MBD1: variants seen among roughly 807,000 people sequenced by gnomAD.
MBD1 encodes methyl-CpG binding domain protein 1.
A neutral mutation model predicts 82.6 loss-of-function variants in MBD1; 25 were observed. The ratio of observed to expected loss-of-function variants is 0.30; its 90% CI spans 0.22 to 0.42. The LOEUF is 0.42. Ranked by LOEUF, MBD1 falls within the 10% of genes least tolerant of loss-of-function variation. The pLI is 1.00. For missense variants in MBD1, 627 were observed against 819.6 expected, an observed-to-expected ratio of 0.76 and a Z score of 2.87; for synonymous variants, 301 against 303.7, an observed-to-expected ratio of 0.99 and a Z score of 0.09.
In MBD1 at chr18:50,277,220, G is replaced by T. The variant is rs1308787542; in HGVS notation, c.111-16C>A. Reference sequence around the variant, plus strand: ...TCCTGTGGGGCTAGGGATGGGCCATGATGGGTTAGCACCCAGGTGGAGCCA... The same window carrying T: ...TCCTGTGGGGCTAGGGATGGGCCATTATGGGTTAGCACCCAGGTGGAGCCA... On this transcript the variant is annotated splice_polypyrimidine_tract_variant and intron_variant, in intron 2 of 16. Transcript: ENST00000269468. The T allele has an allele frequency of 1.3e-6, 2 of 1,591,296 alleles. No individual in the cohort carries two copies. Among genetic ancestry groups the T allele is most frequent in the Non-Finnish European group, 1.7e-6 (2 of 1,160,020 alleles).
chr18:50,276,232 C>T, intron 6 of MBD1, 146 bp downstream of exon 6: 1 of 894,816 alleles, frequency 1.1e-6, no homozygotes, highest in Non-Finnish European at 1.8e-6. Context: ...CATTAATTCC[C>T]ATTATTGTGT....
Position 50,281,497 on chromosome 18 carries a change from T to TCG in MBD1, c.-162_-161dup, listed in dbSNP as rs1363530081. 6 of 581,780 alleles carry TCG rather than the reference T, an allele frequency of 1.0e-5. No homozygotes were observed. In the Admixed American group the frequency reaches 1.9e-4, roughly 18 times the overall value. The allele number at this position is 581,780 out of a possible 1,614,324, so 36.0% of individuals were successfully genotyped here. The stretch of plus-strand genomic sequence containing the variant: ...GCCGCCTCCTCTGAAGCGGTAGCTG[T>TCG]CGCCTCCGCGGCTGTTCGTTGCTCC... On this transcript the variant is annotated 5_prime_UTR_variant, in exon 1 of 17. Coordinates refer to ENST00000269468, the MANE Select transcript of MBD1 (RefSeq NM_015846.4).
In MBD1 at chr18:50,275,770, G is replaced by T. The variant is rs113871614; in HGVS notation, c.664-42C>A. 8.0e-4 allele frequency: 1,293 copies of T among 1,614,120 alleles called. 8 individuals are homozygous for T. In the African/African-American group the frequency reaches 0.014, roughly 18 times the overall value. ...GGTGGGAGCAGAGGCATGAAGCATG[G>T]GGCCAAGCCCATGGGGGCCAGGGGC... On this transcript the variant is annotated intron_variant, in intron 7 of 16. Coordinates refer to ENST00000269468, the MANE Select transcript of MBD1 (RefSeq NM_015846.4).
chr18:50,280,028 G>A lies in MBD1; in HGVS notation c.-25-11C>T. The A allele has an allele frequency of 6.3e-7, 1 of 1,596,636 alleles. No homozygotes were observed. The highest frequency in any genetic ancestry group is 8.5e-7 in the Non-Finnish European group (1 of 1,177,238). On this transcript the variant is annotated splice_polypyrimidine_tract_variant and intron_variant, in intron 1 of 16. Coordinates refer to ENST00000269468, the MANE Select transcript of MBD1 (RefSeq NM_015846.4). ...GGAAGCAGCAGTAGCCTGAAAGGGG[G>A]TGGAAGGGATGAGGGAAACTGAGGC... is the stretch of plus-strand genomic sequence containing the variant.
intron 1 of MBD1, among the ~76,000 whole-genome samples, 190 bp from the exon 2 acceptor site, chr18:50,280,207 G>A (rs1342824235): frequency 6.6e-6 from 1 of 152,034 alleles, no homozygotes; most frequent in Non-Finnish European, 1.5e-5. Context: ...TCTGGGCCTA[G>A]GATATCATCA....
rs745732242 is a variant in MBD1, at chr18:50,276,425, G to A, written c.476-7C>T. ...TTGAAGGCAATTCTCTGTGCTGTGG[G>A]GAGGAAGAGGGAAGAAGAAAAGTGG... On this transcript the variant is annotated splice_polypyrimidine_tract_variant and splice_region_variant and intron_variant, in intron 5 of 16. Coordinates refer to ENST00000269468, the MANE Select transcript of MBD1 (RefSeq NM_015846.4). The A allele has an allele frequency of 5.0e-6, 8 of 1,614,002 alleles. No individual in the cohort carries two copies. The highest frequency in any genetic ancestry group is 1.1e-5 in the South Asian group (1 of 91,072).
intron 13 of MBD1, 48 bp from the exon 14 acceptor site, chr18:50,273,003 T>A (rs376536624): frequency 6.2e-7 from 1 of 1,612,296 alleles, no homozygotes; most frequent in East Asian, 2.2e-5. Flanking sequence ...AGAGTTCACC[T>A]GAGGAAAGTC....
At chr18:50,274,906 C>G in intron 10 of MBD1, 71 bp downstream of exon 10, 1 of 1,502,538 alleles carries the variant, frequency 6.7e-7, no homozygotes, top group Non-Finnish European at 9.2e-7. Context: ...CTCATTCCAG[C>G]ATCTGCTTCT....
chr18:50,277,714 G>A (rs2038572119), intron 2 of MBD1, among the ~76,000 whole-genome samples: 1 of 152,218 alleles, frequency 6.6e-6, no homozygotes, highest in East Asian at 1.9e-4. Context: ...GACAACGATT[G>A]TCCTTTTTGA....
rs1173490144 is a variant in MBD1, at chr18:50,272,580, C to T, written c.1778+97G>A. 4.3e-6 allele frequency: 6 copies of T among 1,384,746 alleles called. No homozygotes were observed. In the African/African-American group the frequency reaches 7.1e-5, roughly 16 times the overall value. 85.8% of individuals were successfully genotyped at this position (1,384,746 alleles called of 1,614,324 possible). A position where few individuals can be genotyped will look rare whatever the true frequency, so the allele number is the denominator to read the frequency against. ...AGTGGGTATGGGCCTTTACCTCCCA[C>T]CACACCATGCCAAACTGCCGGCTAT... is the stretch of plus-strand genomic sequence containing the variant. On this transcript the variant is annotated intron_variant, in intron 15 of 16. Coordinates refer to ENST00000269468, the MANE Select transcript of MBD1 (RefSeq NM_015846.4).
At position 50,271,541 on chromosome 18, in the gene MBD1, C is replaced by G; in HGVS notation, c.1779-1G>C. On this transcript the variant is annotated splice_acceptor_variant, in intron 15 of 16. Coordinates refer to ENST00000269468, the MANE Select transcript of MBD1 (RefSeq NM_015846.4). LOFTEE classifies it high-confidence loss of function. The stretch of plus-strand genomic sequence containing the variant: ...TCCAGGTTTTTTAAGGTCTTTGGAC[C>G]TAGGGAAAAGGGAGCAGGTCTGTAT... 1 of 1,614,158 alleles carries G rather than the reference C, an allele frequency of 6.2e-7. No homozygotes were observed. The highest frequency in any genetic ancestry group is 8.5e-7 in the Non-Finnish European group (1 of 1,180,032).
chr18:50,276,140 G>A, intron 6 of MBD1, 159 bp from the exon 7 acceptor site: 2 of 963,716 alleles, frequency 2.1e-6, no homozygotes, highest in East Asian at 2.6e-5. Flanking sequence ...CATCACTGAG[G>A]CCATTAGTAT....
In MBD1 at chr18:50,275,931, C is replaced by T; in HGVS notation, c.567G>A (p.Gly189=). Reference sequence around the variant, plus strand: ...GCTGCAGGAGGCAGGTGGAGCAGGCCCCACAGTCTTCTGTTACCTGGCAGG... The same window carrying T: ...GCTGCAGGAGGCAGGTGGAGCAGGCTCCACAGTCTTCTGTTACCTGGCAGG... ...CAACQVTEDC[G]ACSTCLLQLP... Residue 189 remains glycine, a synonymous_variant, in exon 7 of 17, where the codon GGG becomes GGA. Coordinates refer to ENST00000269468, the MANE Select transcript of MBD1 (RefSeq NM_015846.4). 1 of 1,613,984 alleles carries T rather than the reference C, an allele frequency of 6.2e-7. No individual in the cohort carries two copies. Among genetic ancestry groups the T allele is most frequent in the East Asian group, 2.2e-5 (1 of 44,882 alleles).
At chr18:50,270,960 C>T in intron 16 of MBD1, 3 of 865,622 alleles carry the variant, frequency 3.5e-6, no homozygotes, top group South Asian at 9.6e-5. Context: ...TTCCCATCCA[C>T]ATAAATGGAC....
chr18:50,274,937 T>C (rs1240070153), intron 10 of MBD1, 40 bp downstream of exon 10: 8 of 1,595,244 alleles, frequency 5.0e-6, no homozygotes, highest in Non-Finnish European at 6.9e-6. Context: ...CCAAGCGTCC[T>C]GAGATTCTAG....
chr18:50,277,729 C>T (rs1441119751), intron 2 of MBD1, among the ~76,000 whole-genome samples: 1 of 152,086 alleles, frequency 6.6e-6, no homozygotes, highest in East Asian at 1.9e-4. Context: ...TTTTGATAAA[C>T]TATCTTTCCA....
chr18:50,280,633 C>A (rs2039858879), intron 1 of MBD1, among the ~76,000 whole-genome samples: 1 of 151,988 alleles, frequency 6.6e-6, no homozygotes, highest in African/African-American at 2.4e-5. Flanking sequence ...ATAGCCTGAA[C>A]AGCCCCTCAT....
At chr18:50,280,079 C>T in intron 1 of MBD1, 62 bp from the exon 2 acceptor site, 1 of 1,494,984 alleles carries the variant, frequency 6.7e-7, no homozygotes, top group Non-Finnish European at 9.0e-7. Flanking sequence ...CACTGTGCCC[C>T]AGGCCACACA....
chr18:50,267,598 AG>A (rs1359664060), downstream of MBD1: 1 of 1,535,076 alleles, frequency 6.5e-7, no homozygotes, highest in Admixed American at 2.0e-5. Context: ...TCAGGGAACC[AG>A]GACGGACCTG....
Sources: gnomAD v4.1 joint callset for allele counts (sites outside exome capture counted in the v4.1 genomes callset) on GRCh38, gnomAD v4.1.1 for gene constraint, MANE v1.5 for transcripts, NCBI Gene and HGNC (gene_info 2026-07-23, HGNC 2026-07-21) for gene names.